Variants in CNTN4 observed in about 807,000 individuals in gnomAD.
CNTN4 encodes the protein contactin-4.
Under a neutral mutation model 122.5 loss-of-function variants are expected in CNTN4, and 77 were observed. The observed-to-expected ratio is 0.63, with a 90% CI of 0.52 to 0.76. The LOEUF (loss-of-function observed/expected upper bound fraction) is 0.76. CNTN4 is among the 30% of genes least tolerant of loss of function. CNTN4 has a pLI of 0.00. For synonymous variants in CNTN4, 512 were observed against 447.0 expected, an observed-to-expected ratio of 1.15 and a Z score of -1.83; for missense variants, 1,256 against 1,259.1, an observed-to-expected ratio of 1.00 and a Z score of 0.04.
At chr3:2,331,807 G>C (rs1285698310) in intron 2 of CNTN4, among the ~76,000 whole-genome samples, 1 of 152,168 alleles carries the variant, frequency 6.6e-6, no homozygotes, top group Non-Finnish European at 1.5e-5. Context: ...AGACTGTTTG[G>C]GAAAGGGTGC....
Position 2,906,170 on chromosome 3 carries a change from A to G in CNTN4, c.1207+3165A>G, listed in dbSNP as rs2094229295. Among the ~76,000 whole-genome samples the G allele has an allele frequency of 5.9e-5, 9 of 151,790 alleles. No individual in the cohort carries two copies. The South Asian group carries it at 1.7e-3, about 28-fold the overall frequency. ...GAAATAGAGTAGAATGCTGGTTGTC[A>G]GGGTCGGGGGAATCGGCGGGGGAGG... On this transcript the variant is annotated intron_variant, in intron 12 of 24. Coordinates refer to ENST00000418658, the MANE Select transcript of CNTN4 (RefSeq NM_175607.3).
rs117830601 is a variant in CNTN4 at position 2,183,463 on chromosome 3, T to C, written c.-145+82824T>C. Among the ~76,000 whole-genome samples, 449 of 152,280 alleles carry C rather than the reference T, an allele frequency of 2.9e-3. 5 individuals are homozygous for C. The East Asian group carries it at 0.039, about 13-fold the overall frequency. ...CTTTACTAATTCCATGGCTCTTTTT[T>C]TGGGGCTCATTTTTTGCCCAATAAA... is the stretch of plus-strand genomic sequence containing the variant. On this transcript the variant is annotated intron_variant, in intron 2 of 24. Coordinates refer to ENST00000418658, the MANE Select transcript of CNTN4 (RefSeq NM_175607.3).
At chr3:2,813,470 A>G (rs1401189160) in intron 6 of CNTN4, among the ~76,000 whole-genome samples, 1 of 151,888 alleles carries the variant, frequency 6.6e-6, no homozygotes, top group African/African-American at 2.4e-5. Context: ...TTACTGTATC[A>G]TTTTTCCTTT....
chr3:2,685,360 T>C (rs1209687891), intron 4 of CNTN4, among the ~76,000 whole-genome samples: 1 of 152,142 alleles, frequency 6.6e-6, no homozygotes, highest in Non-Finnish European at 1.5e-5. Context: ...ATGATGATCT[T>C]CAAATTCAAG....
At position 3,053,904 on chromosome 3, in the gene CNTN4, T is replaced by C; in HGVS notation, c.2909T>C (p.Ile970Thr). Residue 970 changes from isoleucine to threonine, a missense_variant, in exon 24 of 25, where the codon ATA (isoleucine) becomes ACA (threonine). Physicochemically the swap from Ile to Thr is moderately conservative, Grantham distance 89. Transcript: ENST00000418658. ...TTGCCTTTCGATGAAGATTATATAA[T>C]AGAAATTAAGCCATTCAGCGACGGA... ...LSLPFDEDYI[I>T]EIKPFSDGGD... The C allele has an allele frequency of 1.2e-6, 2 of 1,614,134 alleles. No homozygotes were observed. Among genetic ancestry groups the C allele is most frequent in the Non-Finnish European group, 1.7e-6 (2 of 1,179,998 alleles).
chr3:2,478,904 AATTAT>A (rs1299611581), intron 3 of CNTN4, among the ~76,000 whole-genome samples: 1 of 152,058 alleles, frequency 6.6e-6, no homozygotes, highest in Non-Finnish European at 1.5e-5. Context: ...ATTTAGCCCT[AATTAT>A]ATTATATTTA....
intron 2 of CNTN4, among the ~76,000 whole-genome samples, chr3:2,194,045 CTG>C (rs2037717491): frequency 6.6e-6 from 1 of 152,088 alleles, no homozygotes; most frequent in African/African-American, 2.4e-5. Flanking sequence ...AAGTTAGTAA[CTG>C]TACTATGGGT....
At chr3:2,509,249 G>A (rs1012259716) in intron 3 of CNTN4, among the ~76,000 whole-genome samples, 1 of 152,150 alleles carries the variant, frequency 6.6e-6, no homozygotes, top group African/African-American at 2.4e-5. Flanking sequence ...AACCTCACAC[G>A]AGCTGCGTGG....
intron 2 of CNTN4, among the ~76,000 whole-genome samples, chr3:2,282,101 T>C (rs1049091049): frequency 2.6e-5 from 4 of 152,174 alleles, no homozygotes; most frequent in African/African-American, 9.6e-5. Flanking sequence ...TGATAATATT[T>C]ATACTTTGTT....
intron 6 of CNTN4, among the ~76,000 whole-genome samples, chr3:2,764,831 C>G (rs923055186): frequency 2.0e-5 from 3 of 152,282 alleles, no homozygotes; most frequent in African/African-American, 7.2e-5. Context: ...TACCTCAACA[C>G]TAGACACCTG....
intron 3 of CNTN4, among the ~76,000 whole-genome samples, chr3:2,451,032 G>T (rs571842791): frequency 2.0e-5 from 3 of 152,242 alleles, no homozygotes; most frequent in Admixed American, 2.0e-4. Flanking sequence ...TGCCCCCTGA[G>T]GTGGGAAGAC....
chr3:2,674,959 A>C (rs1368846967), intron 4 of CNTN4, among the ~76,000 whole-genome samples: 1 of 152,120 alleles, frequency 6.6e-6, no homozygotes, highest in Non-Finnish European at 1.5e-5. Context: ...TTTAGTTTCC[A>C]CATATAAGTG....
chr3:2,108,950 C>T (rs2032708033), intron 2 of CNTN4, among the ~76,000 whole-genome samples: 1 of 152,164 alleles, frequency 6.6e-6, no homozygotes, highest in African/African-American at 2.4e-5. Context: ...AATACAATTA[C>T]ACTCAGAGAA....
At chr3:2,103,439 C>G (rs572023331) in intron 2 of CNTN4, among the ~76,000 whole-genome samples, 9 of 152,206 alleles carry the variant, frequency 5.9e-5, no homozygotes, top group Non-Finnish European at 1.0e-4. Context: ...ACTGCTCTTT[C>G]ATTTGTGATA....
At chr3:2,769,721 C>T (rs922933863) in intron 6 of CNTN4, among the ~76,000 whole-genome samples, 1 of 152,096 alleles carries the variant, frequency 6.6e-6, no homozygotes, top group Non-Finnish European at 1.5e-5. Flanking sequence ...ACTCTGTAAA[C>T]CAGGATTTTA....
At chr3:2,127,750 A>G (rs1369607166) in intron 2 of CNTN4, among the ~76,000 whole-genome samples, 2 of 152,154 alleles carry the variant, frequency 1.3e-5, no homozygotes, top group Admixed American at 6.5e-5. Context: ...GGTTTGAACT[A>G]AATGGAGCCA....
intron 3 of CNTN4, among the ~76,000 whole-genome samples, chr3:2,351,440 C>G (rs2044618072): frequency 6.6e-6 from 1 of 152,036 alleles, no homozygotes; most frequent in Admixed American, 6.5e-5. Flanking sequence ...AAAGATGGGA[C>G]AAGGGTGACC....
At chr3:2,303,328 T>G (rs906379740) in intron 2 of CNTN4, among the ~76,000 whole-genome samples, 1 of 152,130 alleles carries the variant, frequency 6.6e-6, no homozygotes, top group Non-Finnish European at 1.5e-5. Flanking sequence ...TAGAATGTTT[T>G]TATCACCCCT....
chr3:2,687,191 A>C (rs547112756), intron 4 of CNTN4, among the ~76,000 whole-genome samples: 1 of 22,176 alleles, frequency 4.5e-5, no homozygotes, highest in African/African-American at 1.6e-4. Flanking sequence ...TTGGTGATAT[A>C]AAAAGAGTGG....
Sources: gnomAD v4.1 joint callset for allele counts (sites outside exome capture counted in the v4.1 genomes callset) on GRCh38, gnomAD v4.1.1 for gene constraint, MANE v1.5 for transcripts, NCBI Gene and HGNC (gene_info 2026-07-23, HGNC 2026-07-21) for gene names.